DPP6: variants seen among roughly 807,000 people sequenced by gnomAD.
The protein encoded by DPP6 is A-type potassium channel modulatory protein DPP6.
Under a neutral mutation model 122.6 loss-of-function variants are expected in DPP6, and 69 were observed. The ratio of observed to expected loss-of-function variants is 0.56; its 90% confidence interval spans 0.46 to 0.69. DPP6 has a LOEUF of 0.69. Ranked by LOEUF, DPP6 falls within the 30% of genes least tolerant of loss-of-function variation. The probability of loss-of-function intolerance (pLI) is 0.00; values close to 1 mark genes in which losing one functional copy is unlikely to be tolerated. For missense variants in DPP6, 928 were observed against 1,116.9 expected, an observed-to-expected ratio of 0.83 and a Z score of 2.41; for synonymous variants, 418 against 433.1, an observed-to-expected ratio of 0.97 and a Z score of 0.43.
rs1834401589 is a variant in DPP6, at chr7:154,618,324, T to C, written c.628-19497T>C. On this transcript the variant is annotated intron_variant, in intron 5 of 25. Transcript: ENST00000377770. This position sits in a 1 kb window ranked among gnomAD's most constrained non-coding sequence, Gnocchi z 4.1. The stretch of plus-strand genomic sequence containing the variant: ...TGCTTCAGGATGAGATTAGGCTCAC[T>C]GAGCGGGTGAACGGAGCTGTTTGAA... 6.6e-6 allele frequency among the ~76,000 whole-genome samples: 1 copy of C among 152,128 alleles called. No homozygotes were observed. The highest frequency in any genetic ancestry group is 1.9e-4 in the East Asian group (1 of 5,172).
chr7:153,921,636 T>A (rs1800643814), intron 1 of DPP6, among the ~76,000 whole-genome samples: 1 of 152,208 alleles, frequency 6.6e-6, no homozygotes, highest in Non-Finnish European at 1.5e-5. Context: ...TATACCTGAC[T>A]GTTTTCATCT....
chr7:154,562,280 G>A (rs974727821), intron 4 of DPP6, among the ~76,000 whole-genome samples: 2 of 151,930 alleles, frequency 1.3e-5, no homozygotes, highest in South Asian at 4.1e-4. Context: ...ATGCAAGGTT[G>A]GTTTAACATT....
At chr7:154,223,340 G>A (rs1800413472) in intron 1 of DPP6, among the ~76,000 whole-genome samples, 1 of 149,450 alleles carries the variant, frequency 6.7e-6, no homozygotes, top group South Asian at 2.1e-4. Flanking sequence ...TATTCTTTAA[G>A]CATCCATTGA....
At chr7:154,394,791 C>A (rs1814941744) in intron 1 of DPP6, among the ~76,000 whole-genome samples, 1 of 152,070 alleles carries the variant, frequency 6.6e-6, no homozygotes, top group African/African-American at 2.4e-5. Flanking sequence ...AAGGGTCTAG[C>A]TTTATTCTTT....
intron 1 of DPP6, among the ~76,000 whole-genome samples, chr7:154,293,188 G>T (rs547655780): frequency 6.6e-6 from 1 of 152,300 alleles, no homozygotes; most frequent in East Asian, 1.9e-4. Flanking sequence ...AAACACTTAA[G>T]ATATAAGTCA....
At chr7:154,034,699 G>A (rs141118714) in intron 1 of DPP6, among the ~76,000 whole-genome samples, 17,689 of 151,800 alleles carry the variant, frequency 0.12, 1,080 homozygotes, top group Middle Eastern at 0.16. Flanking sequence ...TGATTATCAA[G>A]TTGTTCTTGA....
At position 154,367,868 on chromosome 7, in the gene DPP6, G is replaced by A. The variant is rs1484372478; in HGVS notation, c.244-78346G>A. Among the ~76,000 whole-genome samples the A allele has an allele frequency of 1.2e-4, 18 of 152,190 alleles. 1 individual carries two copies. Among genetic ancestry groups the A allele is most frequent in the African/African-American group, 1.7e-4 (7 of 41,450 alleles). On this transcript the variant is annotated intron_variant, in intron 1 of 25. Transcript: ENST00000377770. ...CACTGTTGTCCAGGCGACAGTGGGCGCGATCTCGGCTCACTGCAACCTCCG... is the reference window on the plus strand; with the variant it reads ...CACTGTTGTCCAGGCGACAGTGGGCACGATCTCGGCTCACTGCAACCTCCG...
intron 1 of DPP6, among the ~76,000 whole-genome samples, chr7:154,184,045 G>A (rs990112932): frequency 8.5e-5 from 13 of 152,106 alleles, no homozygotes; most frequent in Non-Finnish European, 2.9e-5. Flanking sequence ...CAAACTTAGC[G>A]GTCAGCATTT....
chr7:154,399,545 G>A (rs1815387186), intron 1 of DPP6, among the ~76,000 whole-genome samples: 1 of 152,182 alleles, frequency 6.6e-6, no homozygotes, highest in African/African-American at 2.4e-5. Context: ...CCAATGCCAG[G>A]TGTTAGTTTC....
intron 1 of DPP6, among the ~76,000 whole-genome samples, chr7:154,157,288 C>T (rs1796732653): frequency 1.3e-5 from 2 of 152,214 alleles, no homozygotes; most frequent in South Asian, 4.1e-4. Flanking sequence ...GCCTCTCCAA[C>T]TTTGCTGAGG....
chr7:154,803,344 G>T (rs1161492947), intron 13 of DPP6, among the ~76,000 whole-genome samples: 1 of 152,196 alleles, frequency 6.6e-6, no homozygotes. Flanking sequence ...CATAGGGAAA[G>T]ACAATGCGTG....
intron 8 of DPP6, among the ~76,000 whole-genome samples, chr7:154,754,943 A>G (rs1843586781): frequency 6.6e-6 from 1 of 152,124 alleles, no homozygotes; most frequent in African/African-American, 2.4e-5. Flanking sequence ...ACATGGACCC[A>G]GGGAGGGGAA....
intron 1 of DPP6, among the ~76,000 whole-genome samples, chr7:154,074,038 T>A (rs62485618): frequency 0.2 from 26,583 of 130,670 alleles, 220 homozygotes; most frequent in East Asian, 0.32. Context: ...TATGTATGTA[T>A]GTAAGTATCT....
chr7:154,308,095 C>G (rs987776865), intron 1 of DPP6, among the ~76,000 whole-genome samples: 1 of 151,992 alleles, frequency 6.6e-6, no homozygotes, highest in Non-Finnish European at 1.5e-5. Context: ...ATCCTTCCAG[C>G]TGTTTGGTTA....
chr7:153,855,919 G>A, the DPP6 span, among the ~76,000 whole-genome samples: 3 of 151,948 alleles, frequency 2.0e-5, no homozygotes, highest in African/African-American at 4.8e-5. Context: ...AAGCTTTTTG[G>A]TTAGTCTAGG....
rs1833444699 is a variant in DPP6, at chr7:154,602,527, C to G, written c.628-35294C>G. Among the ~76,000 whole-genome samples the G allele has an allele frequency of 1.7e-5, 2 of 117,298 alleles. 1 individual carries two copies. The highest frequency in any genetic ancestry group is 1.9e-4 in the Admixed American group (2 of 10,372). The allele number at this position is 117,298 out of a possible 152,430, so 77.0% of individuals were successfully genotyped here. A position where few individuals can be genotyped will look rare whatever the true frequency, so the allele number is the denominator to read the frequency against. The stretch of plus-strand genomic sequence containing the variant: ...CTGCCTCCCAGGTTCAGGTGAGTCT[C>G]CCGCCTCAGCCTCCCATTTCTCGAG... On this transcript the variant is annotated intron_variant, in intron 5 of 25. Transcript: ENST00000377770.
At chr7:154,181,695 T>C (rs1267884405) in intron 1 of DPP6, among the ~76,000 whole-genome samples, 1 of 152,184 alleles carries the variant, frequency 6.6e-6, no homozygotes, top group Non-Finnish European at 1.5e-5. Context: ...TTTGTTTCTT[T>C]TGCCATTTTA....
At chr7:154,797,455 A>G (rs568227345) in intron 12 of DPP6, among the ~76,000 whole-genome samples, 105 of 152,332 alleles carry the variant, frequency 6.9e-4, no homozygotes, top group Middle Eastern at 3.4e-3. Context: ...GTATTCCAGT[A>G]TATTCCAGTT....
intron 12 of DPP6, among the ~76,000 whole-genome samples, chr7:154,798,843 T>A (rs1215617609): frequency 3.3e-5 from 5 of 152,240 alleles, no homozygotes; most frequent in Non-Finnish European, 5.9e-5. Flanking sequence ...GTAGTGTTTC[T>A]GCATCCCTCG....
Sources: allele counts gnomAD v4.1 joint callset (sites outside exome capture counted in the v4.1 genomes callset), GRCh38; gene constraint gnomAD v4.1.1; non-coding constraint Gnocchi (gnomAD v3.1); transcripts MANE v1.5; gene names NCBI Gene and HGNC (gene_info 2026-07-23, HGNC 2026-07-21).